The following CFAP299 variants were observed in gnomAD, a reference collection of about 807,000 sequenced individuals.
CFAP299 encodes cilia and flagella associated protein 299.
In CFAP299, 21 loss-of-function variants were observed where a neutral mutation model predicts 27.0. That is an observed-to-expected ratio of 0.78 (90% CI 0.55 to 1.12). The LOEUF (loss-of-function observed/expected upper bound fraction) is 1.12, where lower values mean the gene tolerates loss of function less well. Among genes scored for constraint, CFAP299 ranks in the 50% most tolerant of loss-of-function variants. The probability of loss-of-function intolerance (pLI) is 0.00; values close to 1 mark genes in which losing one functional copy is unlikely to be tolerated. For missense variants in CFAP299, 310 were observed against 276.6 expected (o/e 1.12, Z -0.86); for synonymous variants, 104 against 98.1 (o/e 1.06, Z -0.36).
intron 4 of CFAP299, chr4:80,871,835 C>T (rs975442772): frequency 3.6e-5 from 6 of 167,362 alleles, no homozygotes; most frequent in Non-Finnish European, 7.3e-5. Flanking sequence ...ATACCTAGTT[C>T]ACATTTCATT....
intron 3 of CFAP299, among the ~76,000 whole-genome samples, chr4:80,724,613 G>C (rs1033694874): frequency 6.6e-6 from 1 of 151,856 alleles, no homozygotes; most frequent in Non-Finnish European, 1.5e-5. Context: ...ACAATAAAAA[G>C]CAGGCCTTTT....
chr4:80,739,002 C>T (rs570526234), intron 3 of CFAP299, among the ~76,000 whole-genome samples: 63 of 152,120 alleles, frequency 4.1e-4, no homozygotes, highest in South Asian at 1.0e-3. Flanking sequence ...ACACAAATTG[C>T]ATAAACAAAC....
At chr4:80,875,103 T>G (rs769880013) in intron 4 of CFAP299, among the ~76,000 whole-genome samples, 2 of 152,134 alleles carry the variant, frequency 1.3e-5, no homozygotes, top group Non-Finnish European at 2.9e-5. Context: ...TCGTATTATA[T>G]CTCCATTAAG....
intron 2 of CFAP299, among the ~76,000 whole-genome samples, chr4:80,505,858 C>T (rs1732003840): frequency 6.6e-6 from 1 of 151,856 alleles, no homozygotes; most frequent in African/African-American, 2.4e-5. Flanking sequence ...ACTTGGGTGG[C>T]CGAGGCAGGA....
At chr4:80,581,287 A>G (rs1013810067) in intron 2 of CFAP299, among the ~76,000 whole-genome samples, 3 of 151,530 alleles carry the variant, frequency 2.0e-5, no homozygotes, top group African/African-American at 7.3e-5. Context: ...ATATTAAAAT[A>G]GTACATAGTA....
chr4:80,579,492 C>T (rs1242823075), intron 2 of CFAP299, among the ~76,000 whole-genome samples: 5 of 152,090 alleles, frequency 3.3e-5, no homozygotes, highest in Admixed American at 2.0e-4. Flanking sequence ...ATTCTATTGC[C>T]TATTACCTTA....
intron 2 of CFAP299, among the ~76,000 whole-genome samples, chr4:80,422,577 C>G (rs1727339085): frequency 6.6e-6 from 1 of 152,076 alleles, no homozygotes; most frequent in Admixed American, 6.6e-5. Context: ...TTCATTCTAT[C>G]AGTTGTTATT....
chr4:80,953,284 T>C (rs1184357590), intron 5 of CFAP299, among the ~76,000 whole-genome samples: 2 of 152,192 alleles, frequency 1.3e-5, no homozygotes, highest in African/African-American at 4.8e-5. Flanking sequence ...GCTTTTTAAC[T>C]GTGGCACAGT....
chr4:80,845,281 T>TG (rs1553898810), intron 3 of CFAP299, among the ~76,000 whole-genome samples: 1 of 131,860 alleles, frequency 7.6e-6, no homozygotes, highest in African/African-American at 3.0e-5. Flanking sequence ...CCCACACTGT[T>TG]TTTTTTTTTT....
intron 3 of CFAP299, among the ~76,000 whole-genome samples, chr4:80,811,427 C>T (rs1043062758): frequency 6.6e-6 from 1 of 152,062 alleles, no homozygotes; most frequent in East Asian, 1.9e-4. Context: ...AAATGTATCC[C>T]GAATTTGCCA....
At chr4:80,925,326 T>C (rs1045217139) in intron 4 of CFAP299, among the ~76,000 whole-genome samples, 4 of 152,030 alleles carry the variant, frequency 2.6e-5, no homozygotes, top group African/African-American at 9.7e-5. Context: ...ATATCTTACC[T>C]GCTTCTTAAG....
intron 3 of CFAP299, among the ~76,000 whole-genome samples, chr4:80,611,052 C>T (rs1054966827): frequency 6.6e-6 from 1 of 152,084 alleles, no homozygotes. Flanking sequence ...ACTCAATTCC[C>T]TTGAGACAGT....
At chr4:80,812,147 A>C (rs1323353345) in intron 3 of CFAP299, among the ~76,000 whole-genome samples, 1 of 152,080 alleles carries the variant, frequency 6.6e-6, no homozygotes, top group Non-Finnish European at 1.5e-5. Flanking sequence ...AAAATGGTGA[A>C]TAGTATGTGT....
intron 2 of CFAP299, among the ~76,000 whole-genome samples, chr4:80,469,679 T>C (rs1258647899): frequency 1.3e-5 from 2 of 152,120 alleles, no homozygotes; most frequent in African/African-American, 4.8e-5. Context: ...AGAATAAATG[T>C]CTTATAGCTC....
At chr4:80,468,736 G>A (rs1336024419) in intron 2 of CFAP299, among the ~76,000 whole-genome samples, 1 of 150,596 alleles carries the variant, frequency 6.6e-6, no homozygotes, top group African/African-American at 2.4e-5. Context: ...TAGAGAGGCT[G>A]AGGCAGAAGA....
intron 4 of CFAP299, among the ~76,000 whole-genome samples, chr4:80,932,388 A>G (rs1421132217): frequency 6.6e-6 from 1 of 152,140 alleles, no homozygotes; most frequent in Non-Finnish European, 1.5e-5. Context: ...TTATAACAAC[A>G]CTGAACTTTA....
chr4:80,409,999 T>G, intron 2 of CFAP299, among the ~76,000 whole-genome samples: 1 of 152,136 alleles, frequency 6.6e-6, no homozygotes, highest in East Asian at 1.9e-4. Flanking sequence ...GCAGAAGTGA[T>G]GTAAGGAATG....
At chr4:80,622,289 T>C (rs1205054553) in intron 3 of CFAP299, among the ~76,000 whole-genome samples, 1 of 152,116 alleles carries the variant, frequency 6.6e-6, no homozygotes, top group Non-Finnish European at 1.5e-5. Context: ...TGAACATAAA[T>C]GCAACAGTCT....
rs536537913 is a variant in CFAP299 at position 80,963,668 on chromosome 4, A to G, written c.*56A>G. 305 of 1,140,156 alleles carry G rather than the reference A, an allele frequency of 2.7e-4. 4 individuals are homozygous for G. In the South Asian group the frequency reaches 3.9e-3, roughly 14 times the overall value. The allele number at this position is 1,140,156 out of a possible 1,614,324, so 70.6% of individuals were successfully genotyped here. On this transcript the variant is annotated 3_prime_UTR_variant, in exon 6 of 6. Coordinates refer to ENST00000358105, the MANE Select transcript of CFAP299 (RefSeq NM_152770.3). ...CTAAATTTAAATAAATTCCGTAGAC[A>G]GAGCAAATTAGAATAATAAATGAGC... is the stretch of plus-strand genomic sequence containing the variant.
Sources: allele counts gnomAD v4.1 joint callset (sites outside exome capture counted in the v4.1 genomes callset), GRCh38; gene constraint gnomAD v4.1.1; transcripts MANE v1.5; gene names NCBI Gene and HGNC (gene_info 2026-07-23, HGNC 2026-07-21).